TMC1: variants seen among roughly 807,000 people sequenced by gnomAD.
TMC1 encodes the protein transmembrane channel like 1.
A neutral mutation model predicts 105.8 loss-of-function variants in TMC1; 84 were observed. The ratio of observed to expected loss-of-function variants is 0.79; its 90% CI spans 0.67 to 0.95. The LOEUF (loss-of-function observed/expected upper bound fraction) is 0.95. Among genes scored for constraint, TMC1 ranks in the 40% least tolerant of loss-of-function variants. The probability of loss-of-function intolerance (pLI) is 0.00; values close to 1 mark genes in which losing one functional copy is unlikely to be tolerated. For missense variants in TMC1, 817 were observed against 914.1 expected, an observed-to-expected ratio of 0.89 and a Z score of 1.37; for synonymous variants, 315 against 311.5, an observed-to-expected ratio of 1.01 and a Z score of -0.12.
At chr9:72,528,564 C>T (rs1160345029) in intron 1 of TMC1, among the ~76,000 whole-genome samples, 2 of 152,094 alleles carry the variant, frequency 1.3e-5, no homozygotes, top group Admixed American at 1.3e-4. Flanking sequence ...GAACTCCTGA[C>T]CTCAGGTGAT....
intron 2 of TMC1, among the ~76,000 whole-genome samples, chr9:72,584,168 A>T (rs1166906905): frequency 1.3e-5 from 2 of 152,242 alleles, no homozygotes; most frequent in Non-Finnish European, 2.9e-5. Context: ...AATTCATTCT[A>T]CAGGCCTTTA....
intron 8 of TMC1, among the ~76,000 whole-genome samples, chr9:72,730,504 G>A (rs1827193226): frequency 6.6e-6 from 1 of 152,144 alleles, no homozygotes; most frequent in Non-Finnish European, 1.5e-5. Flanking sequence ...CATTGGAATT[G>A]TTCATGGACT....
intron 4 of TMC1, among the ~76,000 whole-genome samples, chr9:72,641,951 A>G (rs777822670): frequency 1.3e-5 from 2 of 150,454 alleles, no homozygotes; most frequent in Non-Finnish European, 3.0e-5. Context: ...CTGAGTAGCT[A>G]GGATTACAGG....
Position 72,740,138 on chromosome 9 carries a change from A to G in TMC1, c.382A>G (p.Ser128Gly), listed in dbSNP as rs372983741. The G allele has an allele frequency of 3.3e-5, 54 of 1,613,530 alleles. No homozygotes were observed. The highest frequency in any genetic ancestry group is 4.5e-5 in the Non-Finnish European group (53 of 1,179,724). ...EVLKEAKKFV[S>G]ENEGALGKGK... Reference sequence around the variant, plus strand: ...TCTCAGGGAGGCAAAAAAATTTGTGAGTGAAAATGAAGGGGCTCTTGGGAA... The same window carrying G: ...TCTCAGGGAGGCAAAAAAATTTGTGGGTGAAAATGAAGGGGCTCTTGGGAA... The change falls in exon 9 of 24, where the codon AGT (serine) becomes GGT (glycine). Residue 128 changes from serine to glycine, a missense_variant. Ser to Gly is a moderately conservative substitution (Grantham distance 56, BLOSUM62 0). Transcript: ENST00000297784.
chr9:72,650,883 G>GATATATAGATATATATATAAAT (rs71359509), intron 5 of TMC1, among the ~76,000 whole-genome samples: 75 of 98,402 alleles, frequency 7.6e-4, no homozygotes, highest in South Asian at 1.7e-3. Context: ...TATATATATA[G>GATATATAGATATATATATAAAT]ATATATAGAT....
At chr9:72,634,438 A>C (rs893337941) in intron 4 of TMC1, among the ~76,000 whole-genome samples, 1 of 152,194 alleles carries the variant, frequency 6.6e-6, no homozygotes, top group Non-Finnish European at 1.5e-5. Flanking sequence ...CCTACATCTT[A>C]GCAGAATTTA....
intron 1 of TMC1, among the ~76,000 whole-genome samples, chr9:72,530,209 C>T (rs1481806193): frequency 1.3e-5 from 2 of 152,110 alleles, no homozygotes; most frequent in Admixed American, 6.6e-5. Context: ...GATGGAGTCT[C>T]ACTCTGTTGC....
chr9:72,555,028 G>T (rs559116155), intron 1 of TMC1, among the ~76,000 whole-genome samples: 1 of 151,650 alleles, frequency 6.6e-6, no homozygotes, highest in South Asian at 2.1e-4. Flanking sequence ...ACAGGCATGT[G>T]CCACCATGCC....
intron 13 of TMC1, among the ~76,000 whole-genome samples, chr9:72,780,004 C>A (rs919486869): frequency 6.6e-6 from 1 of 152,046 alleles, no homozygotes; most frequent in African/African-American, 2.4e-5. Context: ...ATATTAAAGG[C>A]AGCTGGAGAG....
intron 2 of TMC1, among the ~76,000 whole-genome samples, chr9:72,588,848 T>C (rs950026879): frequency 2.0e-5 from 3 of 151,298 alleles, no homozygotes; most frequent in African/African-American, 4.9e-5. Flanking sequence ...TGATCTCGGC[T>C]CACCACGACC....
chr9:72,710,643 C>A (rs1456996707), intron 8 of TMC1, among the ~76,000 whole-genome samples: 3 of 152,020 alleles, frequency 2.0e-5, no homozygotes, highest in African/African-American at 7.2e-5. Flanking sequence ...TTTGTTTTGT[C>A]TGATATAAGA....
chr9:72,779,391 C>T (rs560140049), intron 13 of TMC1, among the ~76,000 whole-genome samples: 14 of 152,276 alleles, frequency 9.2e-5, no homozygotes, highest in African/African-American at 3.4e-4. Context: ...TGCTAGCTCC[C>T]CAGCAATGGT....
chr9:72,831,815 A>G (rs1474761962), intron 23 of TMC1, among the ~76,000 whole-genome samples: 2 of 151,614 alleles, frequency 1.3e-5, no homozygotes, highest in Non-Finnish European at 1.5e-5. Context: ...TATGTGCCAC[A>G]TTTTCTTAAT....
At chr9:72,733,890 A>T (rs1313963049) in intron 8 of TMC1, among the ~76,000 whole-genome samples, 1 of 151,844 alleles carries the variant, frequency 6.6e-6, no homozygotes, top group African/African-American at 2.4e-5. Context: ...TCCCTTATTC[A>T]CTTAAAGGAG....
At chr9:72,646,410 A>T (rs1016955167) in intron 4 of TMC1, among the ~76,000 whole-genome samples, 1 of 152,192 alleles carries the variant, frequency 6.6e-6, no homozygotes. Context: ...AATCATCTTC[A>T]TTCTTCAACA....
Position 72,788,447 on chromosome 9 carries a change from A to G in TMC1, c.993A>G (p.Ala331=). 1 of 1,614,056 alleles carries G rather than the reference A, an allele frequency of 6.2e-7. No homozygotes were observed. Residue 331 remains alanine (A), a synonymous_variant, in exon 14 of 24, where the codon GCA becomes GCG. Transcript: ENST00000297784. ...WDYLIGNPET[A]DNKFNSITMN... ...ACCTGATCGGCAATCCTGAAACAGC[A>G]GACAACAAATTTAATTCTATCACAA...
At chr9:72,738,418 CT>C (rs112831385) in intron 8 of TMC1, among the ~76,000 whole-genome samples, 17,009 of 149,336 alleles carry the variant, frequency 0.11, 1,152 homozygotes, top group African/African-American at 0.19. Context: ...ACTGACCCTT[CT>C]TTTTTTTTTC....
chr9:72,524,710 A>G (rs1221799174), intron 1 of TMC1, among the ~76,000 whole-genome samples: 1 of 152,240 alleles, frequency 6.6e-6, no homozygotes, highest in African/African-American at 2.4e-5. Context: ...AGTAAATGGA[A>G]AAGATAGGTA....
At chr9:72,708,383 A>G (rs1826779800) in intron 8 of TMC1, among the ~76,000 whole-genome samples, 1 of 152,116 alleles carries the variant, frequency 6.6e-6, no homozygotes, top group South Asian at 2.1e-4. Flanking sequence ...TAGTGATTCT[A>G]CCCAACCACA....
Sources: gnomAD v4.1 joint callset for allele counts (sites outside exome capture counted in the v4.1 genomes callset) on GRCh38, gnomAD v4.1.1 for gene constraint, MANE v1.5 for transcripts, NCBI Gene and HGNC (gene_info 2026-07-23, HGNC 2026-07-21) for gene names.